The following KLF12 variants were observed in gnomAD, a reference collection of about 807,000 sequenced individuals.
The protein encoded by KLF12 is KLF transcription factor 12.
In KLF12, 9 loss-of-function variants were observed where a neutral mutation model predicts 37.8. The ratio of observed to expected loss-of-function variants is 0.24; its 90% CI spans 0.14 to 0.42. The LOEUF is 0.42. Ranked by LOEUF, KLF12 falls within the 10% of genes least tolerant of loss-of-function variation. The pLI is 1.00. For missense variants in KLF12, 411 were observed against 516.0 expected, an observed-to-expected ratio of 0.80 and a Z score of 1.97; for synonymous variants, 208 against 202.1, an observed-to-expected ratio of 1.03 and a Z score of -0.25.
the KLF12 span, among the ~76,000 whole-genome samples, chr13:74,303,864 T>C: frequency 6.6e-6 from 1 of 152,120 alleles, no homozygotes; most frequent in Non-Finnish European, 1.5e-5. Flanking sequence ...TTTGTCCATG[T>C]CAGTGCTCAG....
rs114216960 is a variant in KLF12, at chr13:73,960,293, T to A, written c.34-16223A>T. The A allele has an allele frequency of 2.2e-3, 560 of 255,312 alleles. 4 individuals carry two copies. The highest frequency in any genetic ancestry group is 3.5e-3 in the Non-Finnish European group (406 of 115,824). 15.8% of individuals were successfully genotyped at this position (255,312 alleles called of 1,614,324 possible). On this transcript the variant is annotated intron_variant, in intron 2 of 7. Transcript: ENST00000377669. ...TTCCTATAACTTTAAAAATAATGCA[T>A]ATGAGACAGAAAAAGCATGCTAAAA... is the stretch of plus-strand genomic sequence containing the variant.
chr13:73,863,283 T>G (rs916001683), intron 3 of KLF12, among the ~76,000 whole-genome samples: 6 of 152,130 alleles, frequency 3.9e-5, no homozygotes, highest in African/African-American at 9.6e-5. Flanking sequence ...AAGAGTCTTA[T>G]GTGATAAATT....
intron 2 of KLF12, among the ~76,000 whole-genome samples, chr13:73,963,985 G>A (rs1293356343): frequency 6.6e-6 from 1 of 152,156 alleles, no homozygotes; most frequent in Non-Finnish European, 1.5e-5. Flanking sequence ...TGGAACTTAA[G>A]CAAGAACAGT....
At chr13:73,738,110 T>TACACACACATATATGTATGTGTAC (rs1566331198) in intron 6 of KLF12, among the ~76,000 whole-genome samples, 9 of 90,468 alleles carry the variant, frequency 9.9e-5, no homozygotes, top group Non-Finnish European at 1.4e-4. Flanking sequence ...TATATATATA[T>TACACACACATATATGTATGTGTAC]ATATATATAT....
the KLF12 span, chr13:74,259,411 A>C: frequency 1.3e-5 from 2 of 152,180 alleles, no homozygotes; most frequent in Non-Finnish European, 2.9e-5. Flanking sequence ...TTCCATGGTC[A>C]AGCCAATACA....
intron 3 of KLF12, among the ~76,000 whole-genome samples, chr13:73,849,263 G>C (rs561936579): frequency 2.0e-5 from 3 of 151,140 alleles, no homozygotes; most frequent in African/African-American, 7.3e-5. Context: ...CCTGTAATCC[G>C]AGCTACTCAG....
chr13:74,108,678 C>G (rs1256997407), intron 1 of KLF12, among the ~76,000 whole-genome samples: 1 of 152,066 alleles, frequency 6.6e-6, no homozygotes, highest in Admixed American at 6.6e-5. Context: ...GTGTATTAAA[C>G]ACTATATTCT....
intron 5 of KLF12, among the ~76,000 whole-genome samples, chr13:73,811,609 C>T (rs1478013272): frequency 2.0e-5 from 3 of 152,132 alleles, no homozygotes; most frequent in Non-Finnish European, 2.9e-5. Flanking sequence ...TTTCACACCT[C>T]GTAGCTGTAT....
the KLF12 span, among the ~76,000 whole-genome samples, chr13:74,210,929 C>T: frequency 6.6e-6 from 1 of 150,656 alleles, no homozygotes; most frequent in Non-Finnish European, 1.5e-5. Context: ...TCTTTACACA[C>T]CCAAGTTGGC....
the KLF12 span, among the ~76,000 whole-genome samples, chr13:74,178,226 A>G: frequency 6.6e-6 from 1 of 152,222 alleles, no homozygotes; most frequent in African/African-American, 2.4e-5. Context: ...GATTCCATCC[A>G]CCTTGTGTGG....
intron 3 of KLF12, among the ~76,000 whole-genome samples, chr13:73,848,409 T>C (rs911115794): frequency 1.3e-5 from 2 of 152,004 alleles, no homozygotes; most frequent in African/African-American, 4.8e-5. Context: ...TAAATTATCT[T>C]TGTTTATCAC....
At chr13:74,290,124 C>A in the KLF12 span, among the ~76,000 whole-genome samples, 1 of 152,158 alleles carries the variant, frequency 6.6e-6, no homozygotes, top group African/African-American at 2.4e-5. Context: ...GACCCCCAGA[C>A]AGCATGGGCT....
the KLF12 span, among the ~76,000 whole-genome samples, chr13:74,266,998 C>T: frequency 6.6e-6 from 1 of 152,170 alleles, no homozygotes; most frequent in Non-Finnish European, 1.5e-5. Context: ...CATTTGAATG[C>T]TTATCAAGAG....
At chr13:74,210,538 CTGTGAGACGA>C in the KLF12 span, among the ~76,000 whole-genome samples, 1 of 152,152 alleles carries the variant, frequency 6.6e-6, no homozygotes, top group Non-Finnish European at 1.5e-5. Flanking sequence ...TGTTTTTAAT[CTGTGAGACGA>C]TGTCATTTCC....
intron 6 of KLF12, among the ~76,000 whole-genome samples, chr13:73,732,176 C>T (rs1226414155): frequency 2.0e-5 from 3 of 151,398 alleles, no homozygotes; most frequent in Non-Finnish European, 4.4e-5. Flanking sequence ...CTCCACCTCC[C>T]GGGTTCAAGT....
chr13:73,773,751 C>G (rs1427723962), intron 5 of KLF12, among the ~76,000 whole-genome samples: 1 of 152,142 alleles, frequency 6.6e-6, no homozygotes, highest in Non-Finnish European at 1.5e-5. Context: ...GCCCGAATGC[C>G]TATCAGCCAG....
At chr13:74,016,599 G>T (rs575824353) in intron 1 of KLF12, among the ~76,000 whole-genome samples, 14 of 152,278 alleles carry the variant, frequency 9.2e-5, no homozygotes, top group African/African-American at 3.1e-4. Context: ...CTGACCTCAA[G>T]TGTTCCTCCT....
chr13:74,244,286 C>T, the KLF12 span, among the ~76,000 whole-genome samples: 1 of 152,212 alleles, frequency 6.6e-6, no homozygotes, highest in African/African-American at 2.4e-5. Flanking sequence ...TTATAAACTA[C>T]AGATGATCCT....
intron 5 of KLF12, among the ~76,000 whole-genome samples, chr13:73,803,498 C>T (rs118145854): frequency 6.8e-4 from 104 of 152,156 alleles, no homozygotes; most frequent in Non-Finnish European, 1.2e-3. Context: ...CTGCCCAGTC[C>T]CCACATCCTT....
Sources: allele counts gnomAD v4.1 joint callset (sites outside exome capture counted in the v4.1 genomes callset), GRCh38; gene constraint gnomAD v4.1.1; transcripts MANE v1.5; gene names NCBI Gene and HGNC (gene_info 2026-07-23, HGNC 2026-07-21).